Variants in RABGAP1L observed in about 807,000 individuals in gnomAD.
RABGAP1L encodes rab GTPase-activating protein 1-like.
RABGAP1L carries 63 observed loss-of-function variants against 137.7 expected under a neutral mutation model. That is an observed-to-expected ratio of 0.46 (90% CI 0.37 to 0.56). The LOEUF is 0.56. Among genes scored for constraint, RABGAP1L ranks in the 20% least tolerant of loss-of-function variants. RABGAP1L has a pLI of 0.00. For synonymous variants in RABGAP1L, 431 were observed against 433.7 expected (o/e 0.99, Z 0.08); for missense variants, 1,095 against 1,244.0 (o/e 0.88, Z 1.80).
At position 174,234,008 on chromosome 1, in the gene RABGAP1L, G is replaced by C. The variant is rs936883889; in HGVS notation, c.542+2653G>C. On this transcript the variant is annotated intron_variant, in intron 4 of 25. Coordinates refer to ENST00000681986, the MANE Select transcript of RABGAP1L (RefSeq NM_001366446.1). ...TAGTGGTTTTGATTTGCATTTCTCTGATGGCCAGTGATGATGAGCATTTTT... is the reference window on the plus strand; with the variant it reads ...TAGTGGTTTTGATTTGCATTTCTCTCATGGCCAGTGATGATGAGCATTTTT... 3.6e-5 allele frequency among the ~76,000 whole-genome samples: 5 copies of C among 137,750 alleles called. 1 individual carries two copies. The highest frequency in any genetic ancestry group is 1.7e-4 in the African/African-American group (5 of 30,180). The allele number at this position is 137,750 out of a possible 152,430, so 90.4% of individuals were successfully genotyped here.
At chr1:174,468,752 T>C (rs548691571) in intron 13 of RABGAP1L, among the ~76,000 whole-genome samples, 2 of 152,288 alleles carry the variant, frequency 1.3e-5, no homozygotes, top group South Asian at 2.1e-4. Flanking sequence ...TTCCAGTTTC[T>C]TCTGCTTAGA....
At chr1:174,519,365 T>G (rs1056923657) in intron 13 of RABGAP1L, among the ~76,000 whole-genome samples, 5 of 152,036 alleles carry the variant, frequency 3.3e-5, no homozygotes, top group African/African-American at 1.2e-4. Context: ...GAGTCCGATG[T>G]TTGAGGGCAG....
intron 14 of RABGAP1L, among the ~76,000 whole-genome samples, chr1:174,652,467 A>G (rs1273470363): frequency 6.6e-6 from 1 of 151,832 alleles, no homozygotes. Context: ...GATGTTGGTA[A>G]CCTTTGGATG....
At chr1:174,877,589 G>A (rs1309713903) in intron 19 of RABGAP1L, 2 of 1,613,322 alleles carry the variant, frequency 1.2e-6, no homozygotes, top group Non-Finnish European at 1.7e-6. Context: ...GTGGCCATCA[G>A]CAAGCCCAGG....
intron 1 of RABGAP1L, among the ~76,000 whole-genome samples, chr1:174,207,191 G>C (rs74128319): frequency 0.014 from 2,064 of 152,194 alleles, 60 homozygotes; most frequent in African/African-American, 0.048. Context: ...TTTATATTCT[G>C]ATTTTTAGAT....
chr1:174,874,421 C>T, intron 19 of RABGAP1L: 1 of 976,722 alleles, frequency 1.0e-6, no homozygotes, highest in Non-Finnish European at 1.2e-6. Context: ...GGACAGCTAG[C>T]TAGTTCCTGC....
chr1:174,489,133 C>T (rs1229640392), intron 13 of RABGAP1L, among the ~76,000 whole-genome samples: 1 of 151,850 alleles, frequency 6.6e-6, no homozygotes, highest in Admixed American at 6.6e-5. Context: ...GACTTCATGA[C>T]TAAAACACCA....
chr1:174,824,547 C>CATT, intron 19 of RABGAP1L, among the ~76,000 whole-genome samples: 1 of 152,062 alleles, frequency 6.6e-6, no homozygotes, highest in East Asian at 1.9e-4. Context: ...AGATAAGTTA[C>CATT]ATTAGGAAGG....
intron 13 of RABGAP1L, among the ~76,000 whole-genome samples, chr1:174,476,804 C>T (rs1355681281): frequency 6.6e-6 from 1 of 152,144 alleles, no homozygotes; most frequent in African/African-American, 2.4e-5. Context: ...CACATGATCC[C>T]CTTTTATTTT....
chr1:174,758,022 CAA>C (rs34002785), intron 18 of RABGAP1L, among the ~76,000 whole-genome samples: 22 of 130,118 alleles, frequency 1.7e-4, no homozygotes, highest in African/African-American at 3.4e-4. Context: ...GACTCCATCT[CAA>C]AAAAAAAAAA....
At chr1:174,856,004 A>G (rs772883089) in intron 19 of RABGAP1L, among the ~76,000 whole-genome samples, 4 of 152,180 alleles carry the variant, frequency 2.6e-5, no homozygotes, top group Non-Finnish European at 5.9e-5. Flanking sequence ...TAGTATTTGA[A>G]GTTTCTTTAA....
At position 174,939,321 on chromosome 1, in the gene RABGAP1L, T is replaced by C. The variant is rs185243259; in HGVS notation, c.2341-18136T>C. Among the ~76,000 whole-genome samples the C allele has an allele frequency of 2.1e-3, 317 of 152,242 alleles. 12 individuals are homozygous for C. The East Asian group carries it at 0.052, about 25-fold the overall frequency. ...CTGTAATCCCAGCACTTTGGGAGAC[T>C]GAGGCAGGCAAATCACTTCAGATGA... On this transcript the variant is annotated intron_variant, in intron 19 of 25. Transcript: ENST00000681986.
At chr1:174,549,670 C>T (rs1164714501) in intron 13 of RABGAP1L, among the ~76,000 whole-genome samples, 1 of 152,152 alleles carries the variant, frequency 6.6e-6, no homozygotes, top group Admixed American at 6.5e-5. Flanking sequence ...GCTGAATTCC[C>T]TAAACCAAGA....
intron 19 of RABGAP1L, among the ~76,000 whole-genome samples, chr1:174,813,972 A>C (rs1227634660): frequency 2.6e-5 from 4 of 152,234 alleles, no homozygotes; most frequent in Non-Finnish European, 5.9e-5. Flanking sequence ...AAGGTTTTCA[A>C]GGGAAATCTC....
intron 14 of RABGAP1L, among the ~76,000 whole-genome samples, chr1:174,672,511 T>A (rs1677260305): frequency 6.6e-6 from 1 of 151,940 alleles, no homozygotes; most frequent in Non-Finnish European, 1.5e-5. Flanking sequence ...AATTTTGGGC[T>A]GAGTTTGTCT....
At chr1:174,316,475 G>A (rs1269376468) in intron 11 of RABGAP1L, among the ~76,000 whole-genome samples, 2 of 152,202 alleles carry the variant, frequency 1.3e-5, no homozygotes, top group Non-Finnish European at 2.9e-5. Context: ...TAATGCTGTG[G>A]TTCTTGCAGA....
chr1:174,383,782 A>G (rs1356787615), intron 12 of RABGAP1L, among the ~76,000 whole-genome samples: 1 of 152,094 alleles, frequency 6.6e-6, no homozygotes, highest in African/African-American at 2.4e-5. Context: ...TGTAGACCGG[A>G]GCTGTTCCTA....
intron 1 of RABGAP1L, among the ~76,000 whole-genome samples, chr1:174,173,738 G>C (rs1166021710): frequency 6.6e-6 from 1 of 151,916 alleles, no homozygotes; most frequent in Non-Finnish European, 1.5e-5. Flanking sequence ...AGAGCTGACA[G>C]TCTTATTGGG....
intron 13 of RABGAP1L, among the ~76,000 whole-genome samples, chr1:174,409,962 G>GCTTTGCC (rs1649724100): frequency 6.6e-6 from 1 of 152,118 alleles, no homozygotes; most frequent in African/African-American, 2.4e-5. Context: ...TGTGATCTTT[G>GCTTTGCC]CTTTGCCCTT....
Sources: gnomAD v4.1 joint callset for allele counts (sites outside exome capture counted in the v4.1 genomes callset) on GRCh38, gnomAD v4.1.1 for gene constraint, MANE v1.5 for transcripts, NCBI Gene and HGNC (gene_info 2026-07-23, HGNC 2026-07-21) for gene names.